Variants in PGBD5 observed in about 807,000 individuals in gnomAD.
The protein encoded by PGBD5 is piggyBac transposable element-derived protein 5.
A neutral mutation model predicts 47.9 loss-of-function variants in PGBD5; 14 were observed. That is an observed-to-expected ratio of 0.29 (90% confidence interval 0.19 to 0.46). PGBD5 has a LOEUF of 0.46. Ranked by LOEUF, PGBD5 falls within the 20% of genes least tolerant of loss-of-function variation. PGBD5 has a pLI of 1.00. For synonymous variants in PGBD5, 316 were observed against 306.3 expected, an observed-to-expected ratio of 1.03 and a Z score of -0.33; for missense variants, 635 against 716.0, an observed-to-expected ratio of 0.89 and a Z score of 1.29.
At chr1:230,337,462 G>A (rs1460426839) in intron 3 of PGBD5, among the ~76,000 whole-genome samples, 174 bp from the exon 4 acceptor site, 2 of 152,092 alleles carry the variant, frequency 1.3e-5, no homozygotes, top group Non-Finnish European at 2.9e-5. Context: ...AGCACACCCC[G>A]TGGCCTTGGC....
At chr1:230,327,615 C>T (rs566210434) in intron 5 of PGBD5, among the ~76,000 whole-genome samples, 41 of 152,350 alleles carry the variant, frequency 2.7e-4, no homozygotes, top group Non-Finnish European at 4.6e-4. Context: ...TCCTCCTGGC[C>T]GGAAGACTAT....
At chr1:230,383,033 C>T (rs893422811) in intron 1 of PGBD5, among the ~76,000 whole-genome samples, 13 of 152,132 alleles carry the variant, frequency 8.5e-5, no homozygotes, top group Admixed American at 1.3e-4. Context: ...CCTGCCATCT[C>T]GCTGTCTCTG....
Position 230,318,997 on chromosome 1 carries a change from CAG to C in PGBD5, c.*4426_*4427del. 1 of 152,348 alleles carries C rather than the reference CAG, an allele frequency of 6.6e-6. No individual in the cohort carries two copies. Among genetic ancestry groups the C allele is most frequent in the East Asian group, 1.9e-4 (1 of 5,184 alleles). 9.4% of individuals were successfully genotyped at this position (152,348 alleles called of 1,614,324 possible). A position where few individuals can be genotyped will look rare whatever the true frequency, so the allele number is the denominator to read the frequency against. ...TGATTGTTTTCAGTATTCGGATCAG[CAG>C]AGAGGATTGGATATGGAAAGGAGAA... On this transcript the variant is annotated 3_prime_UTR_variant, in exon 7 of 7. Coordinates refer to ENST00000391860, the MANE Select transcript of PGBD5 (RefSeq NM_001258311.2).
At chr1:230,403,280 A>G (rs1218118757) in intron 1 of PGBD5, among the ~76,000 whole-genome samples, 1 of 152,242 alleles carries the variant, frequency 6.6e-6, no homozygotes, top group East Asian at 1.9e-4. Flanking sequence ...AGTGTGAAAT[A>G]AAATAATTTA....
In PGBD5 at chr1:230,335,854, G is replaced by GGCACAAAGACACACAGAC. The variant is rs1558192875; in HGVS notation, c.1075+1253_1075+1254insGTCTGTGTGTCTTTGTGC. On this transcript the variant is annotated intron_variant, in intron 4 of 6. Transcript: ENST00000391860. ...ATACACATACACACACAGACACACA[G>GGCACAAAGACACACAGAC]ATACACACACAGATGCATACACGGA... Among the ~76,000 whole-genome samples the GGCACAAAGACACACAGAC allele has an allele frequency of 8.9e-4, 87 of 98,120 alleles. 14 individuals are homozygous for GGCACAAAGACACACAGAC. The highest frequency in any genetic ancestry group is 1.4e-3 in the South Asian group (4 of 2,812). 64.4% of individuals were successfully genotyped at this position (98,120 alleles called of 152,430 possible).
intron 1 of PGBD5, among the ~76,000 whole-genome samples, chr1:230,360,374 GAGGGAGGGAGGGAAGGA>G (rs1462167628): frequency 3.4e-5 from 5 of 149,208 alleles, no homozygotes; most frequent in African/African-American, 1.2e-4. Context: ...CCTGTGGAGG[GAGGGAGGGAGGGAAGGA>G]AGGAAAGAAA....
chr1:230,324,180 C>G (rs1565091), intron 6 of PGBD5, among the ~76,000 whole-genome samples: 3 of 152,082 alleles, frequency 2.0e-5, no homozygotes, highest in Admixed American at 2.0e-4. Context: ...AGGCCTCACT[C>G]ACTGCACTGT....
intron 1 of PGBD5, among the ~76,000 whole-genome samples, chr1:230,364,819 G>A (rs1667802912): frequency 6.6e-6 from 1 of 152,046 alleles, no homozygotes; most frequent in South Asian, 2.1e-4. Context: ...TCAGGAGTTC[G>A]AGACCAGCCT....
chr1:230,387,019 C>T (rs1435727677), intron 1 of PGBD5, among the ~76,000 whole-genome samples: 3 of 152,200 alleles, frequency 2.0e-5, no homozygotes, highest in Admixed American at 1.3e-4. Context: ...TTTAGGGGCC[C>T]GGAAGAGCCT....
chr1:230,362,311 G>T (rs117956598), intron 1 of PGBD5: 1 of 1,367,814 alleles, frequency 7.3e-7, no homozygotes. Flanking sequence ...GGGTGTGCAG[G>T]GCACGAGGAA....
In PGBD5 at chr1:230,316,865, T is replaced by G. The variant is rs944612782; in HGVS notation, c.*6560A>C. Reference sequence around the variant, plus strand: ...ACCTCTCGGATAGCTGGGAACACCGTCCCTGCTCATGTTTGGGGCGTGCTC... The same window carrying G: ...ACCTCTCGGATAGCTGGGAACACCGGCCCTGCTCATGTTTGGGGCGTGCTC... On this transcript the variant is annotated 3_prime_UTR_variant, in exon 7 of 7. Coordinates refer to ENST00000391860, the MANE Select transcript of PGBD5 (RefSeq NM_001258311.2). The G allele has an allele frequency of 6.6e-6, 1 of 152,212 alleles. No homozygotes were observed. The highest frequency in any genetic ancestry group is 1.5e-5 in the Non-Finnish European group (1 of 68,050). 9.4% of individuals were successfully genotyped at this position (152,212 alleles called of 1,614,324 possible). A position where few individuals can be genotyped will look rare whatever the true frequency, so the allele number is the denominator to read the frequency against.
At chr1:230,381,114 CTAT>C (rs1656478707) in intron 1 of PGBD5, among the ~76,000 whole-genome samples, 1 of 152,240 alleles carries the variant, frequency 6.6e-6, no homozygotes, top group Non-Finnish European at 1.5e-5. Flanking sequence ...TCTGAAATAC[CTAT>C]TGTTTTGCCC....
intron 1 of PGBD5, among the ~76,000 whole-genome samples, chr1:230,403,285 A>G (rs1001327716): frequency 1.3e-5 from 2 of 152,208 alleles, no homozygotes; most frequent in African/African-American, 4.8e-5. Flanking sequence ...GAAATAAAAT[A>G]ATTTAAGTGG....
intron 1 of PGBD5, among the ~76,000 whole-genome samples, chr1:230,420,238 G>A (rs1657618028): frequency 5.9e-5 from 9 of 151,968 alleles, no homozygotes; most frequent in Admixed American, 5.2e-4. Flanking sequence ...CCTAACAAAA[G>A]GGAACCCTAG....
At chr1:230,365,139 C>T (rs920705227) in intron 1 of PGBD5, among the ~76,000 whole-genome samples, 36 of 151,074 alleles carry the variant, frequency 2.4e-4, no homozygotes, top group Non-Finnish European at 8.8e-5. Flanking sequence ...CGGTGAAACC[C>T]CATCTCTACT....
At chr1:230,355,341 A>G (rs1333035468) in intron 2 of PGBD5, among the ~76,000 whole-genome samples, 1 of 152,220 alleles carries the variant, frequency 6.6e-6, no homozygotes, top group Non-Finnish European at 1.5e-5. Flanking sequence ...CAGAGAGGCC[A>G]GGCACTCACC....
chr1:230,365,395 G>A (rs748246863), intron 1 of PGBD5, among the ~76,000 whole-genome samples: 1 of 152,024 alleles, frequency 6.6e-6, no homozygotes, highest in African/African-American at 2.4e-5. Context: ...ACAAAGGGCT[G>A]GTGGACAGAA....
intron 1 of PGBD5, among the ~76,000 whole-genome samples, chr1:230,390,047 G>A (rs1298274587): frequency 6.6e-6 from 1 of 152,170 alleles, no homozygotes; most frequent in African/African-American, 2.4e-5. Context: ...CACAGCTCTG[G>A]AGTTAGAGGC....
intron 1 of PGBD5, among the ~76,000 whole-genome samples, chr1:230,409,672 T>C (rs35169342): frequency 0.044 from 6,630 of 152,248 alleles, 181 homozygotes; most frequent in Non-Finnish European, 0.063. Context: ...GAAAGGAGAT[T>C]AATGGTAATT....
Sources: allele counts gnomAD v4.1 joint callset (sites outside exome capture counted in the v4.1 genomes callset), GRCh38; gene constraint gnomAD v4.1.1; transcripts MANE v1.5; gene names NCBI Gene and HGNC (gene_info 2026-07-23, HGNC 2026-07-21).